The following VEGFD variants were observed in gnomAD, a reference collection of about 807,000 sequenced individuals.
VEGFD encodes the protein c-fos induced growth factor (vascular endothelial growth factor D).
In VEGFD, 26 loss-of-function variants were observed where a neutral mutation model predicts 28.0. The observed-to-expected ratio is 0.93, with a 90% confidence interval of 0.68 to 1.29. VEGFD has a LOEUF of 1.29. Ranked by LOEUF, VEGFD falls within the 50% of genes most tolerant of loss-of-function variation. VEGFD has a pLI of 0.00. For synonymous variants in VEGFD, 93 were observed against 95.5 expected, an observed-to-expected ratio of 0.97 and a Z score of 0.15; for missense variants, 294 against 273.4, an observed-to-expected ratio of 1.08 and a Z score of -0.53.
intron 1 of VEGFD, among the ~76,000 whole-genome samples, chrX:15,377,924 C>G (rs921697391): frequency 3.8e-4 from 42 of 111,849 alleles, no homozygotes; most frequent in African/African-American, 1.1e-3. Flanking sequence ...TTATGAACCA[C>G]CAAGATTTCG....
intron 6 of VEGFD, 21 bp from the exon 7 acceptor site, chrX:15,346,280 G>A (rs1482813928): frequency 1.7e-6 from 2 of 1,199,897 alleles, no homozygotes; most frequent in Non-Finnish European, 1.1e-6. Flanking sequence ...AGAAAATAAA[G>A]ATGAGAATTC....
Position 15,346,074 on chromosome X carries a change from A to G in VEGFD, c.*59T>C, listed in dbSNP as rs1236226268. On this transcript the variant is annotated 3_prime_UTR_variant, in exon 7 of 7. Coordinates refer to ENST00000297904, the MANE Select transcript of VEGFD (RefSeq NM_004469.5). Reference sequence around the variant, plus strand: ...CACCTGGGAAAAAAACAGTGACAGCAACTTGGCAAAGCAGCATGCTGTTAA... The same window carrying G: ...CACCTGGGAAAAAAACAGTGACAGCGACTTGGCAAAGCAGCATGCTGTTAA... 2 of 1,167,120 alleles carry G rather than the reference A, an allele frequency of 1.7e-6. No individual in the cohort carries two copies. Among genetic ancestry groups the G allele is most frequent in the East Asian group, 6.0e-5 (2 of 33,362 alleles).
In VEGFD at chrX:15,372,576, T is replaced by C; in HGVS notation, c.91-9257A>G. On this transcript the variant is annotated intron_variant, in intron 1 of 6. Transcript: ENST00000297904. ...CATTTTTTGGGTCTGGGCTGCAGCT[T>C]TGCCATCAGGATTTTTTAAAAAAAA... is the stretch of plus-strand genomic sequence containing the variant. Among the ~76,000 whole-genome samples, 4 of 111,220 alleles carry C rather than the reference T, an allele frequency of 3.6e-5. 1 individual carries two copies. In the South Asian group the frequency reaches 1.5e-3, roughly 42 times the overall value.
intron 1 of VEGFD, among the ~76,000 whole-genome samples, chrX:15,383,020 G>A (rs1923622298): frequency 8.9e-6 from 1 of 111,914 alleles, no homozygotes; most frequent in Non-Finnish European, 1.9e-5. Flanking sequence ...TATCACCCCT[G>A]TTGAAAATGC....
intron 1 of VEGFD, among the ~76,000 whole-genome samples, chrX:15,367,583 A>C (rs1923176913): frequency 8.9e-6 from 1 of 111,889 alleles, no homozygotes; most frequent in African/African-American, 3.3e-5. Flanking sequence ...AATGAAACCA[A>C]GCAGCTTTTT....
At chrX:15,369,123 G>A (rs1219763367) in intron 1 of VEGFD, among the ~76,000 whole-genome samples, 5 of 111,378 alleles carry the variant, frequency 4.5e-5, no homozygotes, top group Non-Finnish European at 5.7e-5. Flanking sequence ...TTTAGGTCAC[G>A]GGTGACCAAG....
At chrX:15,373,284 G>C in intron 1 of VEGFD, among the ~76,000 whole-genome samples, 1 of 111,602 alleles carries the variant, frequency 9.0e-6, no homozygotes, top group Admixed American at 9.6e-5. Context: ...TTTAAGGGGG[G>C]ACCCTGGCTA....
At chrX:15,353,232 T>A in intron 4 of VEGFD, 64 bp from the exon 5 acceptor site, 1 of 601,375 alleles carries the variant, frequency 1.7e-6, no homozygotes, top group South Asian at 3.2e-5. Flanking sequence ...CTTTGGAACA[T>A]TAAATAAATT....
chrX:15,361,253 G>C (rs763684253), intron 2 of VEGFD, among the ~76,000 whole-genome samples: 1 of 112,278 alleles, frequency 8.9e-6, no homozygotes, highest in Admixed American at 9.4e-5. Context: ...AATAGCTCCA[G>C]GTTCACCTCA....
intron 2 of VEGFD, among the ~76,000 whole-genome samples, chrX:15,361,259 C>T: frequency 8.9e-6 from 1 of 112,376 alleles, no homozygotes; most frequent in Non-Finnish European, 1.9e-5. Flanking sequence ...TCCAGGTTCA[C>T]CTCAGGCCTT....
chrX:15,351,120 T>A (rs558667411), intron 5 of VEGFD, among the ~76,000 whole-genome samples: 1 of 87,677 alleles, frequency 1.1e-5, no homozygotes, highest in African/African-American at 4.2e-5. Flanking sequence ...TCTTTTTTTT[T>A]TTTTTCTTTT....
intron 5 of VEGFD, among the ~76,000 whole-genome samples, chrX:15,350,787 C>CT (rs1555947742): frequency 2.8e-3 from 266 of 95,853 alleles, no homozygotes; most frequent in African/African-American, 8.9e-3. Flanking sequence ...CTTTCTCTCT[C>CT]TTTCTTTTCT....
At chrX:15,382,843 A>G (rs1005614082) in intron 1 of VEGFD, among the ~76,000 whole-genome samples, 3 of 111,691 alleles carry the variant, frequency 2.7e-5, no homozygotes, top group African/African-American at 9.8e-5. Context: ...CCAGGCCACC[A>G]ACACCAGCCA....
chrX:15,375,127 C>T (rs987823426), intron 1 of VEGFD, among the ~76,000 whole-genome samples: 55 of 111,573 alleles, frequency 4.9e-4, no homozygotes, highest in Non-Finnish European at 6.6e-4. Context: ...GACACGGCAA[C>T]TCCATAGTAA....
chrX:15,362,994 G>A (rs1923053448), intron 2 of VEGFD, 115 bp downstream of exon 2: 3 of 609,485 alleles, frequency 4.9e-6, no homozygotes, highest in African/African-American at 2.2e-5. Context: ...ATCAAAGACC[G>A]ACTTTCATTC....
Position 15,353,062 on chromosome X carries a change from C to G in VEGFD, c.742+6G>C. 9.0e-7 allele frequency: 1 copy of G among 1,112,873 alleles called. No individual in the cohort carries two copies. Among genetic ancestry groups the G allele is most frequent in the Non-Finnish European group, 1.2e-6 (1 of 817,620 alleles). The allele number at this position is 1,112,873 out of a possible 1,213,427, so 91.7% of individuals were successfully genotyped here. On this transcript the variant is annotated splice_donor_region_variant and intron_variant, in intron 5 of 6. Coordinates refer to ENST00000297904, the MANE Select transcript of VEGFD (RefSeq NM_004469.5). ...ACTGTTATTATTTTACTACTACTAT[C>G]ATTACCTTCTGTTCCAGCAAGTGGA... is the stretch of plus-strand genomic sequence containing the variant.
chrX:15,356,053 T>G lies in VEGFD; in HGVS notation c.493-755A>C, dbSNP rs1409457985. On this transcript the variant is annotated intron_variant, in intron 3 of 6. Coordinates refer to ENST00000297904, the MANE Select transcript of VEGFD (RefSeq NM_004469.5). ...ATCATCATGCCCAAACAAATAATTA[T>G]AGCTAACATGTATATCATTCTTTCT... Among the ~76,000 whole-genome samples the G allele has an allele frequency of 5.3e-5, 6 of 112,602 alleles. No homozygotes were observed. The East Asian group carries it at 1.7e-3, about 31-fold the overall frequency.
chrX:15,376,773 T>C (rs1923449266), intron 1 of VEGFD, among the ~76,000 whole-genome samples: 1 of 112,038 alleles, frequency 8.9e-6, no homozygotes, highest in African/African-American at 3.3e-5. Flanking sequence ...CATTGCAAAG[T>C]TGTTTTCACT....
At chrX:15,377,774 T>A (rs1923473321) in intron 1 of VEGFD, among the ~76,000 whole-genome samples, 1 of 111,217 alleles carries the variant, frequency 9.0e-6, no homozygotes, top group Non-Finnish European at 1.9e-5. Context: ...GGTGAGGCGC[T>A]CTCAGGCTCT....
Sources: allele counts gnomAD v4.1 joint callset (sites outside exome capture counted in the v4.1 genomes callset), GRCh38; gene constraint gnomAD v4.1.1; transcripts MANE v1.5; gene names NCBI Gene and HGNC (gene_info 2026-07-23, HGNC 2026-07-21).